The following DNAH11 variants were observed in gnomAD, a reference collection of about 807,000 sequenced individuals.
DNAH11 encodes axonemal beta dynein heavy chain 11.
A neutral mutation model predicts 526.0 loss-of-function variants in DNAH11; 442 were observed. The ratio of observed to expected loss-of-function variants is 0.84; its 90% confidence interval spans 0.78 to 0.91. The LOEUF is 0.91. Ranked by LOEUF, DNAH11 falls within the 40% of genes least tolerant of loss-of-function variation. The pLI, the probability that DNAH11 is intolerant of heterozygous loss-of-function variation, is 0.00. For missense variants in DNAH11, 6,989 were observed against 5,448.7 expected, an observed-to-expected ratio of 1.28 and a Z score of -8.90; for synonymous variants, 2,461 against 1,935.9, an observed-to-expected ratio of 1.27 and a Z score of -7.12.
Position 21,765,380 on chromosome 7 carries a change from G to T in DNAH11, c.8941-48G>T, listed in dbSNP as rs757947069. 4.3e-6 allele frequency: 7 copies of T among 1,610,786 alleles called. No individual in the cohort carries two copies. In the Admixed American group the frequency reaches 5.0e-5, roughly 12 times the overall value. On this transcript the variant is annotated intron_variant, in intron 54 of 81. Coordinates refer to ENST00000409508, the MANE Select transcript of DNAH11 (RefSeq NM_001277115.2). ...GTCTAAGATTGCAATGTAATTCTCT[G>T]CTCATTCATCACCCGCCTGTTTCTG...
intron 44 of DNAH11, among the ~76,000 whole-genome samples, chr7:21,724,735 A>G: frequency 6.6e-6 from 1 of 150,560 alleles, no homozygotes; most frequent in Non-Finnish European, 1.5e-5. Flanking sequence ...CATCCTATGA[A>G]TATAAGAGTC....
chr7:21,763,670 T>C (rs923163408), intron 54 of DNAH11, among the ~76,000 whole-genome samples: 2 of 151,232 alleles, frequency 1.3e-5, no homozygotes, highest in East Asian at 1.9e-4. Flanking sequence ...GCCAAGGACA[T>C]TGAAACCAGG....
intron 30 of DNAH11, among the ~76,000 whole-genome samples, chr7:21,660,132 G>A (rs190015692): frequency 5.1e-4 from 77 of 152,136 alleles, no homozygotes; most frequent in African/African-American, 1.8e-3. Context: ...CCACTTGGAT[G>A]CTGAAGCTGA....
At chr7:21,660,678 A>G (rs545141961) in intron 30 of DNAH11, among the ~76,000 whole-genome samples, 4 of 75,170 alleles carry the variant, frequency 5.3e-5, no homozygotes, top group South Asian at 5.1e-4. Context: ...TCTATTTACT[A>G]TCTTTTGTCT....
At chr7:21,628,624 A>C (rs189227469) in intron 25 of DNAH11, among the ~76,000 whole-genome samples, 1 of 152,098 alleles carries the variant, frequency 6.6e-6, no homozygotes, top group Non-Finnish European at 1.5e-5. Context: ...CTGTCCTTCT[A>C]TCTCTGGAAT....
chr7:21,885,487 A>T (rs11769521), intron 76 of DNAH11, among the ~76,000 whole-genome samples: 47,648 of 151,798 alleles, frequency 0.31, 8,375 homozygotes, highest in Non-Finnish European at 0.39. Context: ...AATGGTCAAC[A>T]GATACAAAGT....
At chr7:21,572,826 G>T (rs920418311) in intron 8 of DNAH11, among the ~76,000 whole-genome samples, 2 of 152,120 alleles carry the variant, frequency 1.3e-5, no homozygotes, top group African/African-American at 4.8e-5. Context: ...GTGACTTTTT[G>T]CTAAACCAGG....
In DNAH11 at chr7:21,852,536, C is replaced by A; in HGVS notation, c.10966C>A (p.Arg3656Ser). 1 of 1,613,228 alleles carries A rather than the reference C, an allele frequency of 6.2e-7. No homozygotes were observed. The highest frequency in any genetic ancestry group is 8.5e-7 in the Non-Finnish European group (1 of 1,179,630). The change falls in exon 67 of 82, where the codon CGC becomes AGC. Residue 3656 changes from arginine to serine, a missense_variant. Coordinates refer to ENST00000409508, the MANE Select transcript of DNAH11 (RefSeq NM_001277115.2). ...GTATCTGGAAGACGATCTCCTTTTGCGCCTTTCTGCGGCAGAGGGAAGCTT... is the reference window on the plus strand; with the variant it reads ...GTATCTGGAAGACGATCTCCTTTTGAGCCTTTCTGCGGCAGAGGGAAGCTT... ...LKYLEDDLLL[R>S]LSAAEGSFLD...
At chr7:21,635,726 C>A in intron 25 of DNAH11, 145 bp from the exon 26 acceptor site, 1 of 570,268 alleles carries the variant, frequency 1.8e-6, no homozygotes, top group Non-Finnish European at 2.8e-6. Flanking sequence ...ACTCATTTAG[C>A]AAAAACTTAT....
intron 5 of DNAH11, among the ~76,000 whole-genome samples, chr7:21,563,325 C>T (rs2128432982): frequency 6.6e-6 from 1 of 151,996 alleles, no homozygotes; most frequent in South Asian, 2.1e-4. Flanking sequence ...CCTTCCACCT[C>T]AGCCTCCTGA....
rs1389149019 is a variant in DNAH11, at chr7:21,868,796, C to T, written c.11840-68C>T. Reference sequence around the variant, plus strand: ...GTGACCACAGATGTGCATTAGACCACAGAATTCCAGGCTCCTCTCACCCTC... The same window carrying T: ...GTGACCACAGATGTGCATTAGACCATAGAATTCCAGGCTCCTCTCACCCTC... On this transcript the variant is annotated intron_variant, in intron 72 of 81. Transcript: ENST00000409508. 3 of 1,596,418 alleles carry T rather than the reference C, an allele frequency of 1.9e-6. No individual in the cohort carries two copies. In the East Asian group the frequency reaches 6.7e-5, roughly 36 times the overall value.
intron 68 of DNAH11, 53 bp downstream of exon 68, chr7:21,854,508 T>C: frequency 6.5e-7 from 1 of 1,531,662 alleles, no homozygotes; most frequent in Non-Finnish European, 8.9e-7. Flanking sequence ...TCAATTTGTT[T>C]CTGGAACATT....
At chr7:21,629,327 A>G (rs1317612172) in intron 25 of DNAH11, among the ~76,000 whole-genome samples, 2 of 152,166 alleles carry the variant, frequency 1.3e-5, no homozygotes, top group Admixed American at 6.5e-5. Context: ...GCCCTAAGAT[A>G]TGATCTATTC....
intron 54 of DNAH11, among the ~76,000 whole-genome samples, chr7:21,761,195 G>T (rs980997238): frequency 1.3e-5 from 2 of 152,162 alleles, no homozygotes; most frequent in Non-Finnish European, 2.9e-5. Context: ...AGGAAAGCTG[G>T]ATGGCAGGAG....
rs770336845 is a variant in DNAH11 at position 21,842,633 on chromosome 7, C to T, written c.10781C>T (p.Pro3594Leu). The T allele has an allele frequency of 2.6e-5, 42 of 1,613,766 alleles. No individual in the cohort carries two copies. Among genetic ancestry groups the T allele is most frequent in the Middle Eastern group, 1.6e-4 (1 of 6,084 alleles). The change falls in exon 66 of 82, where the codon CCG (proline) becomes CTG (leucine). Residue 3594 changes from proline to leucine, a missense_variant. By Grantham distance (98) the Pro-to-Leu change is moderately conservative (BLOSUM62 -3). Transcript: ENST00000409508. ...HTKLANPHYK[P>L]ELQAQTTLLN... ...AAATTGGCAAATCCTCACTATAAGC[C>T]GGAATTACAAGCTCAGACAACTCTC...
rs758615719 is a variant in DNAH11, at chr7:21,842,617, A to T, written c.10765A>T (p.Asn3589Tyr). 9 of 1,613,860 alleles carry T rather than the reference A, an allele frequency of 5.6e-6. No individual in the cohort carries two copies. The highest frequency in any genetic ancestry group is 4.4e-5 in the South Asian group (4 of 91,074). The change falls in exon 66 of 82, where the codon AAT becomes TAT. Residue 3589 changes from asparagine (N) to tyrosine (Y), a missense_variant. Asn to Tyr is a moderately radical substitution (Grantham distance 143, BLOSUM62 -2). Coordinates refer to ENST00000409508, the MANE Select transcript of DNAH11 (RefSeq NM_001277115.2). Reference sequence around the variant, plus strand: ...CCTTATCCTTCACACAAAATTGGCAAATCCTCACTATAAGCCGGAATTACA... The same window carrying T: ...CCTTATCCTTCACACAAAATTGGCATATCCTCACTATAAGCCGGAATTACA... ...FRLILHTKLANPHYKPELQAQ... is the reference protein window; with the variant it reads ...FRLILHTKLAYPHYKPELQAQ...
intron 76 of DNAH11, among the ~76,000 whole-genome samples, chr7:21,888,809 G>T (rs190402380): frequency 2.0e-4 from 30 of 152,132 alleles, no homozygotes; most frequent in African/African-American, 4.3e-4. Context: ...CCAAATTTTT[G>T]ATTATATTTT....
At chr7:21,836,068 A>C (rs1052348412) in intron 65 of DNAH11, among the ~76,000 whole-genome samples, 55 of 152,194 alleles carry the variant, frequency 3.6e-4, no homozygotes, top group African/African-American at 1.3e-3. Flanking sequence ...CTTACAAAGA[A>C]AACTACAAAA....
chr7:21,865,120 G>C (rs1221482678), intron 70 of DNAH11, among the ~76,000 whole-genome samples: 1 of 149,308 alleles, frequency 6.7e-6, no homozygotes, highest in South Asian at 2.3e-4. Flanking sequence ...AGAAATAAGT[G>C]ACAGTTGCCT....
Sources: gnomAD v4.1 joint callset for allele counts (sites outside exome capture counted in the v4.1 genomes callset) on GRCh38, gnomAD v4.1.1 for gene constraint, MANE v1.5 for transcripts, NCBI Gene and HGNC (gene_info 2026-07-23, HGNC 2026-07-21) for gene names.